KCTD16: variants seen among roughly 807,000 people sequenced by gnomAD.
KCTD16 encodes the protein potassium channel tetramerization domain containing 16.
Under a neutral mutation model 33.2 loss-of-function variants are expected in KCTD16, and 13 were observed. That is an observed-to-expected ratio of 0.39 (90% CI 0.25 to 0.62). The LOEUF is 0.62. Ranked by LOEUF, KCTD16 falls within the 20% of genes least tolerant of loss-of-function variation. The pLI is 0.50. For synonymous variants in KCTD16, 197 were observed against 195.3 expected (o/e 1.01, Z -0.07); for missense variants, 441 against 525.1 (o/e 0.84, Z 1.57).
At chr5:144,408,061 T>C (rs1469941515) in intron 3 of KCTD16, among the ~76,000 whole-genome samples, 2 of 152,232 alleles carry the variant, frequency 1.3e-5, no homozygotes, top group Non-Finnish European at 2.9e-5. Flanking sequence ...ATATACCCAG[T>C]AATGGGATTG....
intron 3 of KCTD16, among the ~76,000 whole-genome samples, chr5:144,382,018 A>ATACATACG (rs1752226855): frequency 0.068 from 3 of 44 alleles, no homozygotes; most frequent in South Asian, 0.5. Context: ...AGATGTTTAT[A>ATACATACG]TACATACATA....
chr5:144,378,814 G>T (rs10515542), intron 3 of KCTD16, among the ~76,000 whole-genome samples: 1 of 152,042 alleles, frequency 6.6e-6, no homozygotes, highest in African/African-American at 2.4e-5. Flanking sequence ...GAACCAACGT[G>T]TTATTTGGCC....
intron 3 of KCTD16, among the ~76,000 whole-genome samples, chr5:144,291,953 C>G (rs1474012246): frequency 6.6e-6 from 1 of 152,188 alleles, no homozygotes; most frequent in Admixed American, 6.5e-5. Flanking sequence ...TTAGGGTAAT[C>G]ATTAGACTGT....
At chr5:144,224,368 G>T (rs1753859937) in intron 3 of KCTD16, among the ~76,000 whole-genome samples, 1 of 141,032 alleles carries the variant, frequency 7.1e-6, no homozygotes. Context: ...TATTTTTATT[G>T]GATCAATATA....
intron 3 of KCTD16, among the ~76,000 whole-genome samples, chr5:144,290,496 T>A (rs1435776969): frequency 6.6e-6 from 1 of 152,208 alleles, no homozygotes; most frequent in Non-Finnish European, 1.5e-5. Flanking sequence ...ATGTTTATGA[T>A]TGAGTTGTTG....
intron 3 of KCTD16, among the ~76,000 whole-genome samples, chr5:144,301,776 C>G (rs1021587511): frequency 6.6e-6 from 1 of 152,038 alleles, no homozygotes; most frequent in Non-Finnish European, 1.5e-5. Flanking sequence ...AGCAGTTTGC[C>G]CATCCAAAAT....
chr5:144,385,954 A>G (rs1424169282), intron 3 of KCTD16, among the ~76,000 whole-genome samples: 1 of 152,180 alleles, frequency 6.6e-6, no homozygotes, highest in Admixed American at 6.5e-5. Flanking sequence ...CATTAAAAAT[A>G]TTCATGGTAG....
chr5:144,286,564 T>A (rs1292031458), intron 3 of KCTD16, among the ~76,000 whole-genome samples: 3 of 152,186 alleles, frequency 2.0e-5, no homozygotes, highest in Non-Finnish European at 4.4e-5. Context: ...ATGTTACTAC[T>A]GTGAAGTTGA....
chr5:144,292,940 A>T (rs377556739), intron 3 of KCTD16, among the ~76,000 whole-genome samples: 1 of 152,210 alleles, frequency 6.6e-6, no homozygotes, highest in South Asian at 2.1e-4. Flanking sequence ...CCAAGGACGC[A>T]TGTTGACCTC....
At chr5:144,188,456 C>A (rs1005499520) in intron 2 of KCTD16, among the ~76,000 whole-genome samples, 2 of 152,194 alleles carry the variant, frequency 1.3e-5, no homozygotes, top group African/African-American at 4.8e-5. Flanking sequence ...CTCATCCTAA[C>A]TCTTTTCTTT....
At chr5:144,261,907 T>C (rs899878633) in intron 3 of KCTD16, among the ~76,000 whole-genome samples, 4 of 152,214 alleles carry the variant, frequency 2.6e-5, no homozygotes, top group Admixed American at 6.5e-5. Flanking sequence ...AGAATCATTT[T>C]GATTAAATAA....
chr5:144,340,180 C>T (rs1459927188), intron 3 of KCTD16, among the ~76,000 whole-genome samples: 2 of 151,700 alleles, frequency 1.3e-5, no homozygotes, highest in East Asian at 1.9e-4. Flanking sequence ...TTTGGGAGGC[C>T]GAGATGGGTG....
intron 3 of KCTD16, among the ~76,000 whole-genome samples, chr5:144,257,350 G>A (rs1306580834): frequency 2.0e-5 from 3 of 152,070 alleles, no homozygotes; most frequent in Admixed American, 6.5e-5. Flanking sequence ...CTACAAGGTG[G>A]GACCAATCTA....
intron 2 of KCTD16, among the ~76,000 whole-genome samples, chr5:144,202,771 T>C (rs1459307664): frequency 6.6e-6 from 1 of 152,254 alleles, no homozygotes; most frequent in Non-Finnish European, 1.5e-5. Flanking sequence ...ACAGTGTTTA[T>C]GAAAAATACC....
rs756349358 is a variant in KCTD16, at chr5:144,480,605, T to C, written c.*6491T>C. On this transcript the variant is annotated 3_prime_UTR_variant, in exon 4 of 4. Transcript: ENST00000512467. ...CCTTGATTCATGTGGGTTATGTGCA[T>C]TTAAGGCCGTGGCTCTCAACCAGGA... is the stretch of plus-strand genomic sequence containing the variant. 1 of 151,914 alleles carries C rather than the reference T, an allele frequency of 6.6e-6. No individual in the cohort carries two copies. The highest frequency in any genetic ancestry group is 6.6e-5 in the Admixed American group (1 of 15,224). The allele number at this position is 151,914 out of a possible 1,614,324, so 9.4% of individuals were successfully genotyped here.
intron 3 of KCTD16, among the ~76,000 whole-genome samples, chr5:144,440,884 C>G (rs924483053): frequency 6.8e-6 from 1 of 147,988 alleles, no homozygotes; most frequent in Non-Finnish European, 1.5e-5. Context: ...AATGATCTGT[C>G]CCCCCTCCCC....
chr5:144,468,064 CT>C (rs1044716306), intron 3 of KCTD16, among the ~76,000 whole-genome samples: 1 of 152,150 alleles, frequency 6.6e-6, no homozygotes, highest in African/African-American at 2.4e-5. Flanking sequence ...TTGGTTTCAG[CT>C]TCCCTTTTTT....
At chr5:144,350,514 A>G (rs577406755) in intron 3 of KCTD16, among the ~76,000 whole-genome samples, 1 of 152,322 alleles carries the variant, frequency 6.6e-6, no homozygotes, top group Admixed American at 6.5e-5. Context: ...CCTGGTAAAT[A>G]GCAGAGTTTT....
chr5:144,330,161 C>T (rs1752315982), intron 3 of KCTD16, among the ~76,000 whole-genome samples: 1 of 151,992 alleles, frequency 6.6e-6, no homozygotes, highest in Admixed American at 6.6e-5. Context: ...GCCTGTAATC[C>T]CAGCACTTTG....
Sources: allele counts gnomAD v4.1 joint callset (sites outside exome capture counted in the v4.1 genomes callset), GRCh38; gene constraint gnomAD v4.1.1; transcripts MANE v1.5; gene names NCBI Gene and HGNC (gene_info 2026-07-23, HGNC 2026-07-21).